The following GIPR variants were observed in gnomAD, a reference collection of about 807,000 sequenced individuals.
The protein encoded by GIPR is GIP-R.
GIPR carries 74 observed loss-of-function variants against 62.2 expected under a neutral mutation model. That is an observed-to-expected ratio of 1.19 (90% CI 0.99 to 1.44). The LOEUF (loss-of-function observed/expected upper bound fraction) is 1.44. Ranked by LOEUF, GIPR falls within the 40% of genes most tolerant of loss-of-function variation. The pLI, the probability that GIPR is intolerant of heterozygous loss-of-function variation, is 0.00. For missense variants in GIPR, 664 were observed against 611.8 expected (o/e 1.09, Z -0.90); for synonymous variants, 256 against 262.2 (o/e 0.98, Z 0.23).
intron 3 of GIPR, 34 bp from the exon 4 acceptor site, chr19:45,671,251 C>A: frequency 7.8e-7 from 1 of 1,279,726 alleles, no homozygotes; most frequent in South Asian, 1.2e-5. Context: ...CGCAGTAGGT[C>A]CACTGGGCAC....
chr19:45,674,128 C>T lies in GIPR; in HGVS notation c.439C>T (p.Leu147=), dbSNP rs1272857676. ...GGTCATGTACACTGTCGGCTACTCC[C>T]TGTCTCTCGCCACACTGCTGCTAGC... ...LQVMYTVGYS[L]SLATLLLALL... Residue 147 remains leucine, a synonymous_variant, in exon 6 of 14, where the codon CTG becomes TTG. Coordinates refer to ENST00000590918, the MANE Select transcript of GIPR (RefSeq NM_000164.4). 2 of 1,613,876 alleles carry T rather than the reference C, an allele frequency of 1.2e-6. No homozygotes were observed. Among genetic ancestry groups the T allele is most frequent in the Non-Finnish European group, 1.7e-6 (2 of 1,179,748 alleles).
At chr19:45,675,053 T>A (rs1184586959) in intron 7 of GIPR, 1 of 567,946 alleles carries the variant, frequency 1.8e-6, no homozygotes, top group Admixed American at 2.9e-5. Context: ...ACTCCCATAC[T>A]GGAATTTTCC....
In GIPR at chr19:45,681,625, T is replaced by TA; in HGVS notation, c.1175dup (p.Tyr392Ter). ...GCAGGGCTTCCTGGTCAGCGTCCTCTACTGCTTCATCAACAAGGAGGTAGG... is the reference window on the plus strand; with the variant it reads ...GCAGGGCTTCCTGGTCAGCGTCCTCTAACTGCTTCATCAACAAGGAGGTAGG... ...SFQGFLVSVLYCFINKEVQSE... is the reference protein window; with the variant it reads ...SFQGFLVSVL Residue 392 changes from tyrosine to a stop codon, truncating the protein, a stop_gained and frameshift_variant, in exon 13 of 14, where the codon TAC (tyrosine) becomes TAAC (stop). Transcript: ENST00000590918. LOFTEE classifies it low-confidence loss of function (END_TRUNC). The TA allele has an allele frequency of 6.2e-7, 1 of 1,613,912 alleles. No homozygotes were observed. The highest frequency in any genetic ancestry group is 1.3e-5 in the African/African-American group (1 of 75,066).
In GIPR at chr19:45,676,201, T is replaced by TA. The variant is rs34622373; in HGVS notation, c.634-728dup. On this transcript the variant is annotated intron_variant, in intron 7 of 13. Transcript: ENST00000590918. Reference sequence around the variant, plus strand: ...CTGGGCGACAGAGCAAGGCTCCGTCTAAAAAAAAAAAAAAAAAAAAGAGGA... The same window carrying TA: ...CTGGGCGACAGAGCAAGGCTCCGTCTAAAAAAAAAAAAAAAAAAAAAGAGGA... Among the ~76,000 whole-genome samples the TA allele has an allele frequency of 2.1e-3, 243 of 114,524 alleles. 1 individual carries two copies. Among genetic ancestry groups the TA allele is most frequent in the South Asian group, 5.3e-3 (19 of 3,564 alleles). 75.1% of individuals were successfully genotyped at this position (114,524 alleles called of 152,430 possible). A position where few individuals can be genotyped will look rare whatever the true frequency, so the allele number is the denominator to read the frequency against.
At chr19:45,671,261 C>T in intron 3 of GIPR, 24 bp from the exon 4 acceptor site, 3 of 1,440,958 alleles carry the variant, frequency 2.1e-6, no homozygotes, top group Non-Finnish European at 2.9e-6. Flanking sequence ...CCACTGGGCA[C>T]CTGGCCCCCG....
Position 45,677,917 on chromosome 19 carries a change from C to A in GIPR, c.936C>A (p.Leu312=), listed in dbSNP as rs765756952. ...ATCTCTCCCCACAGATTAATTTCCTCATTTTTATCCGCATTCTTGGCATTC... is the reference window on the plus strand; with the variant it reads ...ATCTCTCCCCACAGATTAATTTCCTAATTTTTATCCGCATTCTTGGCATTC... ...PILMTILINF[L]IFIRILGILL... Residue 312 remains leucine, a synonymous_variant, in exon 11 of 14, where the codon CTC becomes CTA. Transcript: ENST00000590918. 2.8e-5 allele frequency: 45 copies of A among 1,613,884 alleles called. No individual in the cohort carries two copies. Among genetic ancestry groups the A allele is most frequent in the Non-Finnish European group, 3.7e-5 (44 of 1,179,938 alleles).
At chr19:45,681,495 C>A in intron 12 of GIPR, 109 bp from the exon 13 acceptor site, 1 of 926,170 alleles carries the variant, frequency 1.1e-6, no homozygotes, top group African/African-American at 1.7e-5. Context: ...TATTCCGACT[C>A]TTAAAAACAA....
chr19:45,668,557 T>A (rs1975377382), intron 1 of GIPR, among the ~76,000 whole-genome samples: 1 of 152,162 alleles, frequency 6.6e-6, no homozygotes, highest in Non-Finnish European at 1.5e-5. Flanking sequence ...CACATCTGCG[T>A]CTCTTTCTCT....
At chr19:45,677,658 A>G in intron 9 of GIPR, 52 bp from the exon 10 acceptor site, 1 of 1,402,394 alleles carries the variant, frequency 7.1e-7, no homozygotes. Flanking sequence ...GAGCTTGGTG[A>G]TCGGTGAGTC....
At chr19:45,671,922 A>G (rs1287742027) in intron 4 of GIPR, among the ~76,000 whole-genome samples, 2 of 150,520 alleles carry the variant, frequency 1.3e-5, no homozygotes, top group Non-Finnish European at 3.0e-5. Flanking sequence ...GCGCCCGGCC[A>G]CCACAGGATT....
Position 45,677,098 on chromosome 19 carries a change from C to T in GIPR, c.783C>T (p.Leu261=), listed in dbSNP as rs1371799555. 6.2e-7 allele frequency: 1 copy of T among 1,613,744 alleles called. No individual in the cohort carries two copies. The highest frequency in any genetic ancestry group is 8.5e-7 in the Non-Finnish European group (1 of 1,179,984). ...AGGGCCACTTCCGCTACTACCTGCT[C>T]CTCGGCTGGGGTGAGCTCCGATCCC... The part of the protein sequence containing the change: ...SEEGHFRYYL[L]LGWGAPALFV... Residue 261 remains leucine, a synonymous_variant, in exon 8 of 14, where the codon CTC becomes CTT. Transcript: ENST00000590918.
Position 45,671,229 on chromosome 19 carries a change from C to T in GIPR, c.173-56C>T, listed in dbSNP as rs1398722829. 6.9e-6 allele frequency: 7 copies of T among 1,019,532 alleles called. No individual in the cohort carries two copies. The Admixed American group carries it at 1.0e-4, about 15-fold the overall frequency. 63.2% of individuals were successfully genotyped at this position (1,019,532 alleles called of 1,614,324 possible). A position where few individuals can be genotyped will look rare whatever the true frequency, so the allele number is the denominator to read the frequency against. The stretch of plus-strand genomic sequence containing the variant: ...GCACTTGGCCCACTGCGCAGTAGCA[C>T]TTGGCCCACTGCGCAGTAGGTCCAC... On this transcript the variant is annotated intron_variant, in intron 3 of 13. Coordinates refer to ENST00000590918, the MANE Select transcript of GIPR (RefSeq NM_000164.4).
intron 12 of GIPR, 161 bp downstream of exon 12, chr19:45,678,387 G>A (rs1168992263): frequency 6.9e-6 from 6 of 875,470 alleles, no homozygotes; most frequent in Non-Finnish European, 8.9e-6. Flanking sequence ...TTTTTGAGAC[G>A]GATTCTCGCC....
Position 45,681,385 on chromosome 19 carries a change from C to T in GIPR, c.1153-219C>T, listed in dbSNP as rs535289212. Among the ~76,000 whole-genome samples the T allele has an allele frequency of 1.4e-4, 22 of 152,260 alleles. No individual in the cohort carries two copies. In the South Asian group the frequency reaches 2.3e-3, roughly 16 times the overall value. On this transcript the variant is annotated intron_variant, in intron 12 of 13. Coordinates refer to ENST00000590918, the MANE Select transcript of GIPR (RefSeq NM_000164.4). ...TGGAGGGCGCCTGTAATCCCAGCTA[C>T]TCAGGAGGCTGAAGCAGGATAATCA...
chr19:45,669,243 CG>C (rs949300788), intron 1 of GIPR, among the ~76,000 whole-genome samples: 2 of 152,086 alleles, frequency 1.3e-5, no homozygotes, highest in African/African-American at 4.8e-5. Context: ...CAGGGGAGGC[CG>C]GGGAATCACT....
chr19:45,670,677 T>G lies in GIPR; in HGVS notation c.115T>G (p.Trp39Gly). The G allele has an allele frequency of 6.2e-7, 1 of 1,612,610 alleles. No homozygotes were observed. The highest frequency in any genetic ancestry group is 1.1e-5 in the South Asian group (1 of 90,926). ...GACGGCGGGGGAGCTGTACCAGCGCTGGGAACGGTACCGCAGGGAGTGCCA... is the reference window on the plus strand; with the variant it reads ...GACGGCGGGGGAGCTGTACCAGCGCGGGGAACGGTACCGCAGGGAGTGCCA... ...GQTAGELYQR[W>G]ERYRRECQET... Residue 39 changes from tryptophan (W) to glycine (G), a missense_variant, in exon 3 of 14, where the codon TGG becomes GGG. By Grantham distance (184) the Trp-to-Gly change is radical (BLOSUM62 -2). Coordinates refer to ENST00000590918, the MANE Select transcript of GIPR (RefSeq NM_000164.4).
At position 45,678,147 on chromosome 19, in the gene GIPR, C is replaced by T. The variant is rs1206338770; in HGVS notation, c.1073C>T (p.Ala358Val). Reference protein sequence around the residue: ...PLLGVHEVVFAPVTEEQARGA... With the variant: ...PLLGVHEVVFVPVTEEQARGA... ...CTGGGTGTCCACGAGGTGGTGTTTGCTCCCGTGACAGAGGAACAGGCCCGG... is the reference window on the plus strand; with the variant it reads ...CTGGGTGTCCACGAGGTGGTGTTTGTTCCCGTGACAGAGGAACAGGCCCGG... The change falls in exon 12 of 14, where the codon GCT becomes GTT. Residue 358 changes from alanine (A) to valine (V), a missense_variant. Transcript: ENST00000590918. 6.2e-7 allele frequency: 1 copy of T among 1,610,974 alleles called. No individual in the cohort carries two copies.
Position 45,670,704 on chromosome 19 carries a change from G to A in GIPR, c.142G>A (p.Glu48Lys). 1 of 1,611,878 alleles carries A rather than the reference G, an allele frequency of 6.2e-7. No individual in the cohort carries two copies. The highest frequency in any genetic ancestry group is 1.3e-5 in the African/African-American group (1 of 74,986). ...GGAACGGTACCGCAGGGAGTGCCAGGAGACCTTGGCAGCCGCGGAACCGCC... is the reference window on the plus strand; with the variant it reads ...GGAACGGTACCGCAGGGAGTGCCAGAAGACCTTGGCAGCCGCGGAACCGCC... ...RWERYRRECQ[E>K]TLAAAEPPSG... Residue 48 changes from glutamate (E) to lysine (K), a missense_variant, in exon 3 of 14, where the codon GAG (glutamate) becomes AAG (lysine). Transcript: ENST00000590918.
intron 7 of GIPR, among the ~76,000 whole-genome samples, chr19:45,676,260 C>T (rs1185580894): frequency 5.3e-5 from 8 of 149,846 alleles, no homozygotes; most frequent in Admixed American, 3.3e-4. Flanking sequence ...AATGTGGGTA[C>T]TGGCAGGGAG....
Sources: gnomAD v4.1 joint callset for allele counts (sites outside exome capture counted in the v4.1 genomes callset) on GRCh38, gnomAD v4.1.1 for gene constraint, MANE v1.5 for transcripts, NCBI Gene and HGNC (gene_info 2026-07-23, HGNC 2026-07-21) for gene names.